The following PRKCE variants were observed in gnomAD, a reference collection of about 807,000 sequenced individuals.
PRKCE encodes the protein protein kinase C epsilon type.
Under a neutral mutation model 85.4 loss-of-function variants are expected in PRKCE, and 16 were observed. That is an observed-to-expected ratio of 0.19 (90% CI 0.13 to 0.28). The LOEUF (loss-of-function observed/expected upper bound fraction) is 0.28. Ranked by LOEUF, PRKCE falls within the 10% of genes least tolerant of loss-of-function variation. The pLI is 1.00. For missense variants in PRKCE, 573 were observed against 975.2 expected (o/e 0.59, Z 5.49); for synonymous variants, 388 against 371.5 (o/e 1.04, Z -0.51).
chr2:46,082,175 C>T (rs938550596), intron 10 of PRKCE, among the ~76,000 whole-genome samples: 2 of 151,966 alleles, frequency 1.3e-5, no homozygotes, highest in African/African-American at 2.4e-5. Context: ...CTACCTGGAG[C>T]GTGACCAGCA....
rs1336759624 is a variant in PRKCE at position 46,155,216 on chromosome 2, CATTAAATGATTATAACTAGTTCA to C, written c.1920+4000_1920+4022del. ...AGATTTTTATGTAAAAATCTCGAAA[CATTAAATGATTATAACTAGTTCA>C]ATTAAATGATTACAACTAGTTCAAC... is the stretch of plus-strand genomic sequence containing the variant. On this transcript the variant is annotated intron_variant, in intron 13 of 14. Coordinates refer to ENST00000306156, the MANE Select transcript of PRKCE (RefSeq NM_005400.3). The surrounding 1 kb of genome is among the most constrained non-coding windows in gnomAD (Gnocchi z 4.7). Among the ~76,000 whole-genome samples the C allele has an allele frequency of 1.3e-5, 2 of 152,138 alleles. No individual in the cohort carries two copies. Among genetic ancestry groups the C allele is most frequent in the Non-Finnish European group, 2.9e-5 (2 of 68,018 alleles).
chr2:45,661,516 G>GTTTTTT (rs1270841370), intron 1 of PRKCE, among the ~76,000 whole-genome samples: 6 of 121,174 alleles, frequency 5.0e-5, no homozygotes, highest in East Asian at 4.9e-4. Flanking sequence ...GTTTTGTTTT[G>GTTTTTT]TTTTTTGTTT....
chr2:45,889,958 G>A (rs1048779618), intron 2 of PRKCE, among the ~76,000 whole-genome samples: 2 of 152,160 alleles, frequency 1.3e-5, no homozygotes, highest in Non-Finnish European at 2.9e-5. Context: ...GTCCCTTATT[G>A]AAGTGCCTTT....
chr2:45,812,335 C>G (rs2105272828), intron 1 of PRKCE, among the ~76,000 whole-genome samples: 1 of 152,304 alleles, frequency 6.6e-6, no homozygotes, highest in Non-Finnish European at 1.5e-5. Context: ...TCCTAGGCAG[C>G]AGAAAGGCTG....
chr2:45,846,810 T>G (rs1174185307), intron 2 of PRKCE, among the ~76,000 whole-genome samples: 1 of 152,186 alleles, frequency 6.6e-6, no homozygotes, highest in Non-Finnish European at 1.5e-5. Context: ...GTTCCTATGG[T>G]AGGTGCTAGG....
intron 2 of PRKCE, among the ~76,000 whole-genome samples, chr2:45,878,839 A>G (rs1694668232): frequency 6.6e-6 from 1 of 151,998 alleles, no homozygotes; most frequent in African/African-American, 2.4e-5. Context: ...TGTTTGCTCC[A>G]TTTCTCCTCA....
At chr2:45,765,672 A>G (rs1036315421) in intron 1 of PRKCE, among the ~76,000 whole-genome samples, 2 of 152,188 alleles carry the variant, frequency 1.3e-5, no homozygotes, top group African/African-American at 4.8e-5. Context: ...ACTTGGCCAA[A>G]GTTCTGATGG....
intron 6 of PRKCE, among the ~76,000 whole-genome samples, chr2:45,989,806 A>C (rs941914821): frequency 6.6e-6 from 1 of 152,240 alleles, no homozygotes; most frequent in Non-Finnish European, 1.5e-5. Flanking sequence ...TATAAAGAGC[A>C]CAATACATAA....
chr2:45,667,579 G>A (rs893169411), intron 1 of PRKCE, among the ~76,000 whole-genome samples: 11 of 152,168 alleles, frequency 7.2e-5, no homozygotes, highest in Middle Eastern at 3.4e-3. Flanking sequence ...AAAATTGCAT[G>A]CACGCACACA....
At chr2:45,881,042 A>G (rs369942839) in intron 2 of PRKCE, among the ~76,000 whole-genome samples, 143 of 150,778 alleles carry the variant, frequency 9.5e-4, no homozygotes, top group African/African-American at 3.3e-3. Flanking sequence ...AGTCCCAGCT[A>G]CTTGGGAGGC....
chr2:46,045,062 G>A (rs1025827350), intron 10 of PRKCE, among the ~76,000 whole-genome samples: 3 of 152,200 alleles, frequency 2.0e-5, no homozygotes, highest in Middle Eastern at 3.2e-3. Context: ...GCTCCGGGTT[G>A]TGTTCAATTA....
chr2:45,702,133 G>GGTTTTTAAA (rs1678694972), intron 1 of PRKCE, among the ~76,000 whole-genome samples: 2 of 152,176 alleles, frequency 1.3e-5, no homozygotes, highest in African/African-American at 2.4e-5. Context: ...AGGTTGCAGT[G>GGTTTTTAAA]AGCTGAGATC....
chr2:45,664,275 C>T (rs35908816), intron 1 of PRKCE, among the ~76,000 whole-genome samples: 5 of 152,056 alleles, frequency 3.3e-5, no homozygotes, highest in Admixed American at 6.5e-5. Flanking sequence ...AGTTAGTCCT[C>T]GGTTTGAAAT....
chr2:46,001,286 A>T lies in PRKCE; in HGVS notation c.824-118A>T. ...ATATATATATATTTCTGTATTTTCCAAATTATATCTTAAATGAACATGTAA... is the reference window on the plus strand; with the variant it reads ...ATATATATATATTTCTGTATTTTCCTAATTATATCTTAAATGAACATGTAA... On this transcript the variant is annotated intron_variant, in intron 6 of 14. Transcript: ENST00000306156. The surrounding 1 kb of genome is among the most constrained non-coding windows in gnomAD (Gnocchi z 4.4). The T allele has an allele frequency of 1.1e-6, 1 of 901,138 alleles. No homozygotes were observed. The highest frequency in any genetic ancestry group is 1.5e-6 in the Non-Finnish European group (1 of 681,400). The allele number at this position is 901,138 out of a possible 1,614,324, so 55.8% of individuals were successfully genotyped here.
At chr2:45,773,569 A>G (rs1437560087) in intron 1 of PRKCE, among the ~76,000 whole-genome samples, 1 of 152,218 alleles carries the variant, frequency 6.6e-6, no homozygotes, top group South Asian at 2.1e-4. Flanking sequence ...ATTAGGCCAC[A>G]CTGCCTCCCC....
At chr2:45,666,150 G>A (rs1370778316) in intron 1 of PRKCE, among the ~76,000 whole-genome samples, 1 of 152,088 alleles carries the variant, frequency 6.6e-6, no homozygotes, top group Non-Finnish European at 1.5e-5. Flanking sequence ...TACCTAGCTG[G>A]TTTTAAAAAA....
At chr2:46,057,458 G>A (rs72876180) in intron 10 of PRKCE, among the ~76,000 whole-genome samples, 5,622 of 149,592 alleles carry the variant, frequency 0.038, 316 homozygotes, top group African/African-American at 0.12. Flanking sequence ...TTTTTGAGTC[G>A]GAGTTTTGCT....
chr2:45,791,319 AG>A (rs1440524774), intron 1 of PRKCE, among the ~76,000 whole-genome samples: 19 of 152,230 alleles, frequency 1.2e-4, no homozygotes, highest in Admixed American at 1.2e-3. Context: ...AAAGACTGTA[AG>A]GCAAGCTCTC....
rs557520752 is a variant in PRKCE at position 45,898,819 on chromosome 2, G to T, written c.412+55756G>T. Among the ~76,000 whole-genome samples the T allele has an allele frequency of 1.3e-4, 20 of 152,270 alleles. 1 individual carries two copies. The highest frequency in any genetic ancestry group is 4.3e-4 in the African/African-American group (18 of 41,534). ...GAGAAGGCCTGCCTTGGCTGAACTC[G>T]CATGAGGCCATGCCATGATGATCAC... is the stretch of plus-strand genomic sequence containing the variant. On this transcript the variant is annotated intron_variant, in intron 2 of 14. Transcript: ENST00000306156.
Sources: allele counts gnomAD v4.1 joint callset (sites outside exome capture counted in the v4.1 genomes callset), GRCh38; gene constraint gnomAD v4.1.1; non-coding constraint Gnocchi (gnomAD v3.1); transcripts MANE v1.5; gene names NCBI Gene and HGNC (gene_info 2026-07-23, HGNC 2026-07-21).